Variants in RAB3B observed in about 807,000 individuals in gnomAD.
RAB3B encodes ras-related protein Rab-3B.
RAB3B carries 11 observed loss-of-function variants against 20.5 expected under a neutral mutation model. That is an observed-to-expected ratio of 0.54 (90% confidence interval 0.34 to 0.89). The LOEUF (loss-of-function observed/expected upper bound fraction) is 0.89. Ranked by LOEUF, RAB3B falls within the 40% of genes least tolerant of loss-of-function variation. The pLI, the probability that RAB3B is intolerant of heterozygous loss-of-function variation, is 0.02. For synonymous variants in RAB3B, 99 were observed against 106.3 expected (o/e 0.93, Z 0.42); for missense variants, 225 against 280.9 (o/e 0.80, Z 1.42).
chr1:51,966,805 C>T (rs887598552), intron 2 of RAB3B, among the ~76,000 whole-genome samples: 1 of 151,688 alleles, frequency 6.6e-6, no homozygotes, highest in Non-Finnish European at 1.5e-5. Context: ...CCTGGAGCCA[C>T]AGAGACTTGT....
At chr1:51,986,333 C>G (rs187146316) in intron 1 of RAB3B, among the ~76,000 whole-genome samples, 2 of 151,990 alleles carry the variant, frequency 1.3e-5, no homozygotes, top group African/African-American at 4.8e-5. Flanking sequence ...TGTATTTTTA[C>G]TAGAGATGGG....
chr1:51,987,044 C>T (rs1327933306), intron 1 of RAB3B, among the ~76,000 whole-genome samples: 1 of 152,194 alleles, frequency 6.6e-6, no homozygotes. Context: ...GCCCAGGGAC[C>T]ATCTGGGAAG....
chr1:51,974,660 T>C (rs1231834477), intron 2 of RAB3B, among the ~76,000 whole-genome samples: 1 of 152,200 alleles, frequency 6.6e-6, no homozygotes, highest in Non-Finnish European at 1.5e-5. Flanking sequence ...AAAGAGCACA[T>C]ACTTTTGAAT....
Position 51,959,142 on chromosome 1 carries a change from G to A in RAB3B, c.228+17748C>T, listed in dbSNP as rs966585537. ...GGGTCCTTAACTGCCACTGAGTTGCGGGGAGGTGGGTCATCAAAGGTTTCC... is the reference window on the plus strand; with the variant it reads ...GGGTCCTTAACTGCCACTGAGTTGCAGGGAGGTGGGTCATCAAAGGTTTCC... On this transcript the variant is annotated intron_variant, in intron 2 of 4. Transcript: ENST00000371655. Among the ~76,000 whole-genome samples the A allele has an allele frequency of 5.9e-5, 9 of 152,224 alleles. No homozygotes were observed. In the East Asian group the frequency reaches 1.7e-3, roughly 29 times the overall value.
At chr1:51,920,317 A>G (rs1166490185) in intron 4 of RAB3B, among the ~76,000 whole-genome samples, 2 of 152,192 alleles carry the variant, frequency 1.3e-5, no homozygotes, top group African/African-American at 2.4e-5. Context: ...AGTCAGACTG[A>G]TCCTAGCTCT....
rs1684106601 is a variant in RAB3B at position 51,917,611 on chromosome 1, C to G, written c.*2316G>C. ...TTACTCTGTCACCCAGACTGGAATG[C>G]AGTGGCATAATTACAGCTCACTGCA... On this transcript the variant is annotated 3_prime_UTR_variant, in exon 5 of 5. Coordinates refer to ENST00000371655, the MANE Select transcript of RAB3B (RefSeq NM_002867.4). 6.6e-6 allele frequency: 1 copy of G among 152,192 alleles called. No homozygotes were observed. Among genetic ancestry groups the G allele is most frequent in the African/African-American group, 2.4e-5 (1 of 41,430 alleles). The allele number at this position is 152,192 out of a possible 1,614,324, so 9.4% of individuals were successfully genotyped here.
At chr1:51,975,335 A>G (rs1489545259) in intron 2 of RAB3B, among the ~76,000 whole-genome samples, 1 of 152,236 alleles carries the variant, frequency 6.6e-6, no homozygotes. Context: ...ATGTTGCTAT[A>G]TCATCTAAAA....
At chr1:51,943,818 T>G (rs956423567) in intron 2 of RAB3B, among the ~76,000 whole-genome samples, 3 of 152,236 alleles carry the variant, frequency 2.0e-5, no homozygotes, top group Admixed American at 6.5e-5. Flanking sequence ...AAGAAAAGTC[T>G]GAAGCTAGCG....
At chr1:51,975,086 C>T (rs1240809344) in intron 2 of RAB3B, among the ~76,000 whole-genome samples, 3 of 152,080 alleles carry the variant, frequency 2.0e-5, no homozygotes, top group Non-Finnish European at 4.4e-5. Context: ...TGGTGGCACA[C>T]GCCTATAATT....
chr1:51,945,564 T>A (rs1322453336), intron 2 of RAB3B, among the ~76,000 whole-genome samples: 3 of 152,298 alleles, frequency 2.0e-5, no homozygotes, highest in Non-Finnish European at 4.4e-5. Context: ...GGATTAATAA[T>A]GTTATTATAT....
At chr1:51,986,549 G>A (rs773631577) in intron 1 of RAB3B, among the ~76,000 whole-genome samples, 5 of 152,106 alleles carry the variant, frequency 3.3e-5, no homozygotes, top group Non-Finnish European at 7.4e-5. Flanking sequence ...GAGGTTCGAG[G>A]TTAGAGTGAG....
At chr1:51,952,750 G>A (rs910062193) in intron 2 of RAB3B, among the ~76,000 whole-genome samples, 4 of 151,848 alleles carry the variant, frequency 2.6e-5, no homozygotes, top group Non-Finnish European at 5.9e-5. Context: ...AAGAAGGATG[G>A]GTAATATAAC....
At chr1:51,947,707 T>A (rs186235578) in intron 2 of RAB3B, among the ~76,000 whole-genome samples, 161 of 152,262 alleles carry the variant, frequency 1.1e-3, no homozygotes, top group Non-Finnish European at 1.8e-3. Context: ...CTGCTCTATA[T>A]CTCTGTTCAT....
At position 51,911,384 on chromosome 1, in the gene RAB3B, GT is replaced by G. The variant is rs1307203127; in HGVS notation, c.*8542del. The G allele has an allele frequency of 6.6e-6, 1 of 151,806 alleles. No individual in the cohort carries two copies. The highest frequency in any genetic ancestry group is 2.4e-5 in the African/African-American group (1 of 41,364). The allele number at this position is 151,806 out of a possible 1,614,324, so 9.4% of individuals were successfully genotyped here. On this transcript the variant is annotated 3_prime_UTR_variant, in exon 5 of 5. Transcript: ENST00000371655. ...TTTCTGAATGACCCAGGTTTTTTTTGTTTGTTTTTGTTTGTTTGTTTGTTTG... is the reference window on the plus strand; with the variant it reads ...TTTCTGAATGACCCAGGTTTTTTTTGTTGTTTTTGTTTGTTTGTTTGTTTG...
chr1:51,928,494 G>A (rs747866422), intron 4 of RAB3B, among the ~76,000 whole-genome samples: 2 of 152,218 alleles, frequency 1.3e-5, no homozygotes, highest in Non-Finnish European at 2.9e-5. Flanking sequence ...GGAATCCTGA[G>A]GAGGGATCCC....
intron 1 of RAB3B, among the ~76,000 whole-genome samples, chr1:51,989,103 GCA>G (rs60307928): frequency 7.8e-4 from 103 of 132,740 alleles, no homozygotes; most frequent in East Asian, 2.5e-3. Flanking sequence ...CTGTGCGCGC[GCA>G]CACACACACA....
chr1:51,982,492 A>G (rs1370574745), intron 1 of RAB3B, among the ~76,000 whole-genome samples: 1 of 152,118 alleles, frequency 6.6e-6, no homozygotes, highest in Non-Finnish European at 1.5e-5. Flanking sequence ...GGTGGCTCAG[A>G]CCTGTAACCC....
At chr1:51,929,001 T>A (rs1684286000) in intron 4 of RAB3B, among the ~76,000 whole-genome samples, 1 of 152,204 alleles carries the variant, frequency 6.6e-6, no homozygotes, top group African/African-American at 2.4e-5. Context: ...GCCCCCTTCA[T>A]TCCCTCCTTT....
intron 2 of RAB3B, among the ~76,000 whole-genome samples, chr1:51,962,404 G>A (rs543988755): frequency 6.6e-6 from 1 of 152,290 alleles, no homozygotes; most frequent in Non-Finnish European, 1.5e-5. Flanking sequence ...CAGGCATTCA[G>A]AATAAGAATG....
Sources: allele counts gnomAD v4.1 joint callset (sites outside exome capture counted in the v4.1 genomes callset), GRCh38; gene constraint gnomAD v4.1.1; transcripts MANE v1.5; gene names NCBI Gene and HGNC (gene_info 2026-07-23, HGNC 2026-07-21).